The following HPSE2 variants were observed in gnomAD, a reference collection of about 807,000 sequenced individuals.
The protein encoded by HPSE2 is inactive heparanase-2.
In HPSE2, 38 loss-of-function variants were observed where a neutral mutation model predicts 60.5. That is an observed-to-expected ratio of 0.63 (90% CI 0.48 to 0.82). The LOEUF (loss-of-function observed/expected upper bound fraction) is 0.82, where lower values mean the gene tolerates loss of function less well. Among genes scored for constraint, HPSE2 ranks in the 40% least tolerant of loss-of-function variants. The pLI is 0.00. For synonymous variants in HPSE2, 295 were observed against 293.2 expected, an observed-to-expected ratio of 1.01 and a Z score of -0.06; for missense variants, 713 against 740.4, an observed-to-expected ratio of 0.96 and a Z score of 0.43.
chr10:98,983,408 C>T (rs1284887268), intron 3 of HPSE2, among the ~76,000 whole-genome samples: 5 of 152,100 alleles, frequency 3.3e-5, no homozygotes, highest in East Asian at 3.9e-4. Flanking sequence ...CACAAAGATA[C>T]GATGTTGGAA....
chr10:98,488,912 T>C (rs1396368996), intron 10 of HPSE2, among the ~76,000 whole-genome samples: 2 of 152,152 alleles, frequency 1.3e-5, no homozygotes, highest in African/African-American at 2.4e-5. Context: ...AACTGGCCCC[T>C]GCCCCCCCTC....
intron 2 of HPSE2, among the ~76,000 whole-genome samples, chr10:99,162,639 C>CAT (rs1205737697): frequency 6.6e-6 from 1 of 152,164 alleles, no homozygotes; most frequent in Non-Finnish European, 1.5e-5. Context: ...AGCCAAAGTA[C>CAT]TCATTATCTA....
intron 3 of HPSE2, among the ~76,000 whole-genome samples, chr10:98,849,031 TA>T (rs1176367090): frequency 2.0e-5 from 3 of 151,790 alleles, no homozygotes; most frequent in African/African-American, 7.3e-5. Context: ...AAAAAAAAAT[TA>T]TAATTTCATA....
chr10:98,762,701 T>G (rs2134392179), intron 3 of HPSE2, among the ~76,000 whole-genome samples: 1 of 89,624 alleles, frequency 1.1e-5, no homozygotes, highest in South Asian at 4.2e-4. Context: ...ATAACCACAT[T>G]GATCCCATAC....
At chr10:98,874,086 T>C (rs1232440284) in intron 3 of HPSE2, among the ~76,000 whole-genome samples, 1 of 152,124 alleles carries the variant, frequency 6.6e-6, no homozygotes, top group East Asian at 1.9e-4. Context: ...TTTAAGTTCC[T>C]TGTAAATTCC....
intron 3 of HPSE2, among the ~76,000 whole-genome samples, chr10:98,930,840 A>G (rs533951439): frequency 6.9e-6 from 1 of 144,156 alleles, no homozygotes; most frequent in African/African-American, 2.8e-5. Flanking sequence ...GTAAATTTGC[A>G]TAAGTTCCTT....
At chr10:99,167,772 T>C (rs1195873084) in intron 2 of HPSE2, among the ~76,000 whole-genome samples, 1 of 152,150 alleles carries the variant, frequency 6.6e-6, no homozygotes, top group Admixed American at 6.5e-5. Flanking sequence ...AACACACGTA[T>C]ACAGAAAAGT....
intron 3 of HPSE2, among the ~76,000 whole-genome samples, chr10:98,750,382 C>T (rs1385231681): frequency 1.3e-5 from 2 of 152,120 alleles, no homozygotes; most frequent in East Asian, 1.9e-4. Context: ...CTTTTGCCCT[C>T]ATTGACATAG....
the HPSE2 span, among the ~76,000 whole-genome samples, chr10:99,310,387 T>C: frequency 6.6e-6 from 1 of 152,194 alleles, no homozygotes; most frequent in African/African-American, 2.4e-5. Context: ...TTGTAATTGA[T>C]TAGTTTTTCC....
intron 3 of HPSE2, among the ~76,000 whole-genome samples, chr10:99,068,296 G>C (rs1842677799): frequency 6.6e-6 from 1 of 152,120 alleles, no homozygotes; most frequent in Admixed American, 6.6e-5. Context: ...CCAATTTACT[G>C]TCTAAGTCTG....
In HPSE2 at chr10:98,565,345, G is replaced by C. The variant is rs145230064; in HGVS notation, c.1320+49559C>G. Among the ~76,000 whole-genome samples, 309 of 149,316 alleles carry C rather than the reference G, an allele frequency of 2.1e-3. 1 individual carries two copies. Among genetic ancestry groups the C allele is most frequent in the Middle Eastern group, 6.8e-3 (2 of 294 alleles). On this transcript the variant is annotated intron_variant, in intron 9 of 11. Transcript: ENST00000370552. The stretch of plus-strand genomic sequence containing the variant: ...CCCCTTGTCCCCCACCCCCTGACAG[G>C]GCCCGGAGTGTGTTTGTTCCCCTCC...
intron 3 of HPSE2, among the ~76,000 whole-genome samples, chr10:98,857,608 A>T (rs2134761289): frequency 6.6e-6 from 1 of 152,294 alleles, no homozygotes; most frequent in Non-Finnish European, 1.5e-5. Context: ...AATGACTTTT[A>T]AAAAAACTGT....
intron 9 of HPSE2, among the ~76,000 whole-genome samples, chr10:98,583,606 T>A (rs1944863005): frequency 6.6e-6 from 1 of 152,218 alleles, no homozygotes; most frequent in Non-Finnish European, 1.5e-5. Flanking sequence ...TTTCCCCCAA[T>A]AAAACCCCAG....
intron 3 of HPSE2, among the ~76,000 whole-genome samples, chr10:99,039,758 C>T (rs1333374034): frequency 1.3e-5 from 2 of 151,720 alleles, no homozygotes; most frequent in African/African-American, 2.4e-5. Context: ...GGAAGGGGAA[C>T]AAGTAAAATG....
chr10:99,036,660 A>G (rs974582582), intron 3 of HPSE2, among the ~76,000 whole-genome samples: 2 of 152,220 alleles, frequency 1.3e-5, no homozygotes, highest in Non-Finnish European at 2.9e-5. Flanking sequence ...GAACACCACA[A>G]TAATAATTGC....
the HPSE2 span, among the ~76,000 whole-genome samples, chr10:99,300,518 G>A: frequency 2.6e-5 from 4 of 152,272 alleles, no homozygotes; most frequent in South Asian, 8.3e-4. Context: ...CACCCCCTTG[G>A]TTGTACCATG....
At chr10:99,058,662 A>T (rs544115017) in intron 3 of HPSE2, among the ~76,000 whole-genome samples, 26 of 152,334 alleles carry the variant, frequency 1.7e-4, no homozygotes, top group African/African-American at 6.0e-4. Context: ...TTTAAGCAGT[A>T]AAAGAAAATA....
chr10:98,542,986 A>G (rs1469663953), intron 9 of HPSE2, among the ~76,000 whole-genome samples: 1 of 152,102 alleles, frequency 6.6e-6, no homozygotes, highest in Non-Finnish European at 1.5e-5. Flanking sequence ...AATGCCACAA[A>G]GATACTCCTC....
At chr10:98,760,566 T>C (rs1387137197) in intron 3 of HPSE2, among the ~76,000 whole-genome samples, 1 of 152,188 alleles carries the variant, frequency 6.6e-6, no homozygotes, top group Non-Finnish European at 1.5e-5. Context: ...CACATGGTTT[T>C]TGTCCTTTAG....
Sources: allele counts gnomAD v4.1 joint callset (sites outside exome capture counted in the v4.1 genomes callset), GRCh38; gene constraint gnomAD v4.1.1; transcripts MANE v1.5; gene names NCBI Gene and HGNC (gene_info 2026-07-23, HGNC 2026-07-21).